Variants in SH2D1A observed in about 807,000 individuals in gnomAD.
The protein encoded by SH2D1A is SH2 domain containing 1A.
SH2D1A carries 6 observed loss-of-function variants against 10.1 expected under a neutral mutation model. The ratio of observed to expected loss-of-function variants is 0.60; its 90% CI spans 0.33 to 1.18. SH2D1A has a LOEUF of 1.18. SH2D1A is among the 50% of genes most tolerant of loss of function. SH2D1A has a pLI of 0.04. For missense variants in SH2D1A, 51 were observed against 97.6 expected, an observed-to-expected ratio of 0.52 and a Z score of 2.01; for synonymous variants, 42 against 36.9, an observed-to-expected ratio of 1.14 and a Z score of -0.51.
chrX:124,359,971 TCTC>T (rs2060036187), intron 1 of SH2D1A, among the ~76,000 whole-genome samples: 1 of 110,637 alleles, frequency 9.0e-6, no homozygotes, highest in African/African-American at 3.3e-5. Context: ...AATGGTGCGA[TCTC>T]AGCGCACCGT....
In SH2D1A at chrX:124,371,648, A is replaced by T. The variant is rs556331824; in HGVS notation, c.*257A>T. On this transcript the variant is annotated 3_prime_UTR_variant, in exon 4 of 4. Transcript: ENST00000371139. ...ATATTTACAAATGGGAAACAAAAGG[A>T]TAATGAATACTTTATAAAGGATTAA... The T allele has an allele frequency of 2.7e-4, 64 of 236,756 alleles. 1 individual carries two copies. The South Asian group carries it at 0.014, about 51-fold the overall frequency. The allele number at this position is 236,756 out of a possible 1,213,427, so 19.5% of individuals were successfully genotyped here. A position where few individuals can be genotyped will look rare whatever the true frequency, so the allele number is the denominator to read the frequency against.
intron 1 of SH2D1A, 26 bp from the exon 2 acceptor site, chrX:124,365,735 A>T (rs752273537): frequency 4.3e-5 from 43 of 1,001,900 alleles, no homozygotes; most frequent in Non-Finnish European, 5.9e-5. Flanking sequence ...GGAATCTTTC[A>T]GTAATGGAAG....
At chrX:124,352,718 G>C (rs769584482) in intron 1 of SH2D1A, among the ~76,000 whole-genome samples, 1 of 111,735 alleles carries the variant, frequency 8.9e-6, no homozygotes, top group African/African-American at 3.2e-5. Flanking sequence ...AAATAGTACT[G>C]TGATAAATGT....
At chrX:124,347,922 T>C (rs1180139908) in intron 1 of SH2D1A, among the ~76,000 whole-genome samples, 2 of 111,347 alleles carry the variant, frequency 1.8e-5, no homozygotes, top group Admixed American at 1.9e-4. Context: ...CCCTGCATTG[T>C]AGGTTCTAGA....
chrX:124,347,008 C>G (rs773628139), intron 1 of SH2D1A, among the ~76,000 whole-genome samples: 5 of 111,527 alleles, frequency 4.5e-5, no homozygotes, highest in Non-Finnish European at 7.5e-5. Context: ...TCCAGAAGGC[C>G]CTCACCAGAG....
At chrX:124,355,832 T>C (rs1350256347) in intron 1 of SH2D1A, among the ~76,000 whole-genome samples, 1 of 112,158 alleles carries the variant, frequency 8.9e-6, no homozygotes, top group Admixed American at 9.4e-5. Context: ...TTTGAATAGT[T>C]GTAATCAGAG....
intron 1 of SH2D1A, among the ~76,000 whole-genome samples, 167 bp downstream of exon 1, chrX:124,346,946 C>CA (rs1422735206): frequency 3.6e-5 from 4 of 111,936 alleles, no homozygotes; most frequent in African/African-American, 1.3e-4. Flanking sequence ...TGGTGGAACA[C>CA]ACTTTCGCCT....
rs1457242625 is a variant in SH2D1A, at chrX:124,372,903, A to T, written c.*1512A>T. 3 of 156,889 alleles carry T rather than the reference A, an allele frequency of 1.9e-5. No individual in the cohort carries two copies. Among genetic ancestry groups the T allele is most frequent in the Non-Finnish European group, 2.5e-5 (2 of 80,618 alleles). 12.9% of individuals were successfully genotyped at this position (156,889 alleles called of 1,213,427 possible). On this transcript the variant is annotated 3_prime_UTR_variant, in exon 4 of 4. Coordinates refer to ENST00000371139, the MANE Select transcript of SH2D1A (RefSeq NM_002351.5). ...TTCTTGAGGTAAAAGCATCACATGA[A>T]CTTGTAAAGGAATTTAAAAATCCTA...
At position 124,367,778 on chromosome X, in the gene SH2D1A, G is replaced by C. The variant is rs753577207; in HGVS notation, c.201+1954G>C. 2.7e-5 allele frequency: 3 copies of C among 111,718 alleles called. No homozygotes were observed. In the Admixed American group the frequency reaches 2.9e-4, roughly 11 times the overall value. 9.2% of individuals were successfully genotyped at this position (111,718 alleles called of 1,213,427 possible). A position where few individuals can be genotyped will look rare whatever the true frequency, so the allele number is the denominator to read the frequency against. ...AGAGAGACTTTTAGGTTAAATCTTT[G>C]CCTAGTGTATTATCTTATATGACTC... On this transcript the variant is annotated intron_variant, in intron 2 of 3. Transcript: ENST00000371139.
chrX:124,355,959 G>A (rs1232345259), intron 1 of SH2D1A, among the ~76,000 whole-genome samples: 1 of 109,468 alleles, frequency 9.1e-6, no homozygotes, highest in Non-Finnish European at 1.9e-5. Context: ...TGTGCACAAC[G>A]TGCAGGTTTG....
rs2059993201 is a variant in SH2D1A at position 124,346,631 on chromosome X, G to T, written c.-12G>T. On this transcript the variant is annotated 5_prime_UTR_variant, in exon 1 of 4. Coordinates refer to ENST00000371139, the MANE Select transcript of SH2D1A (RefSeq NM_002351.5). ...GTTCTCCTCCTCGGCCTGCCCAAGA[G>T]TCCACCAGGCCATGGACGCAGTGGC... 5.8e-6 allele frequency: 7 copies of T among 1,211,559 alleles called. No homozygotes were observed. In the East Asian group the frequency reaches 2.1e-4, roughly 36 times the overall value.
At chrX:124,366,571 T>C (rs901470918) in intron 2 of SH2D1A, among the ~76,000 whole-genome samples, 3 of 111,505 alleles carry the variant, frequency 2.7e-5, no homozygotes, top group Non-Finnish European at 5.7e-5. Flanking sequence ...TTCTGAAGTC[T>C]AGACTTCAAG....
At position 124,364,459 on chromosome X, in the gene SH2D1A, T is replaced by A. The variant is rs755951160; in HGVS notation, c.138-1302T>A. The A allele has an allele frequency of 1.1e-5, 3 of 267,560 alleles. No individual in the cohort carries two copies. In the South Asian group the frequency reaches 1.2e-4, roughly 10 times the overall value. 22.0% of individuals were successfully genotyped at this position (267,560 alleles called of 1,213,427 possible). ...CAAAAAGTTTAAAAAAATTTACAAG[T>A]TTATAAAGTAAAAGAGTTGAAGCTA... On this transcript the variant is annotated intron_variant, in intron 1 of 3. Transcript: ENST00000371139.
At chrX:124,352,290 T>G (rs1338589212) in intron 1 of SH2D1A, among the ~76,000 whole-genome samples, 2 of 111,565 alleles carry the variant, frequency 1.8e-5, no homozygotes, top group Non-Finnish European at 3.8e-5. Flanking sequence ...CTTTACCATA[T>G]ATTAAATTCT....
In SH2D1A at chrX:124,370,323, A is replaced by G. The variant is rs199706936; in HGVS notation, c.346+3A>G. On this transcript the variant is annotated splice_donor_region_variant and intron_variant, in intron 3 of 3. Transcript: ENST00000371139. ...TAGAAGTACACAAGGTACTACAGGT[A>G]TGATTTCCTCTTAATTTTTGACAGG... 579 of 1,196,494 alleles carry G rather than the reference A, an allele frequency of 4.8e-4. No homozygotes were observed. Among genetic ancestry groups the G allele is most frequent in the Non-Finnish European group, 6.4e-4 (561 of 882,906 alleles).
chrX:124,355,342 G>A lies in SH2D1A; in HGVS notation c.137+8563G>A, dbSNP rs61506729. On this transcript the variant is annotated intron_variant, in intron 1 of 3. Transcript: ENST00000371139. ...AACCTGGACACTTTTTTACAGTTAG[G>A]GACAACTTTTGATGAAATAAAGACA... Among the ~76,000 whole-genome samples, 272 of 111,385 alleles carry A rather than the reference G, an allele frequency of 2.4e-3. 2 individuals carry two copies. The highest frequency in any genetic ancestry group is 8.7e-3 in the African/African-American group (267 of 30,655).
intron 1 of SH2D1A, chrX:124,364,273 A>G: frequency 5.3e-6 from 1 of 187,691 alleles, no homozygotes; most frequent in Non-Finnish European, 1.0e-5. Flanking sequence ...TAATGTGCGT[A>G]TTTGTGTTTT....
chrX:124,364,533 C>T, intron 1 of SH2D1A: 1 of 192,568 alleles, frequency 5.2e-6, no homozygotes, highest in Non-Finnish European at 9.6e-6. Context: ...TTGAGACAAT[C>T]TCGCTCCGTC....
chrX:124,350,431 CTATA>C (rs1402380926), intron 1 of SH2D1A, among the ~76,000 whole-genome samples: 1 of 24,659 alleles, frequency 4.1e-5, no homozygotes, highest in Non-Finnish European at 6.5e-5. Flanking sequence ...ATATTATATA[CTATA>C]TATAATATAT....
Sources: gnomAD v4.1 joint callset for allele counts (sites outside exome capture counted in the v4.1 genomes callset) on GRCh38, gnomAD v4.1.1 for gene constraint, MANE v1.5 for transcripts, NCBI Gene and HGNC (gene_info 2026-07-23, HGNC 2026-07-21) for gene names.